The following DYRK3 variants were observed in gnomAD, a reference collection of about 807,000 sequenced individuals.
DYRK3 encodes dual specificity tyrosine phosphorylation regulated kinase 3.
In DYRK3, 30 loss-of-function variants were observed where a neutral mutation model predicts 40.8. The ratio of observed to expected loss-of-function variants is 0.74; its 90% CI spans 0.55 to 1.00. The LOEUF is 1.00. Among genes scored for constraint, DYRK3 ranks in the 50% least tolerant of loss-of-function variants. The probability of loss-of-function intolerance (pLI) is 0.00; values close to 1 mark genes in which losing one functional copy is unlikely to be tolerated. For synonymous variants in DYRK3, 272 were observed against 260.7 expected (o/e 1.04, Z -0.42); for missense variants, 699 against 731.5 (o/e 0.96, Z 0.51).
rs1164076642 is a variant in DYRK3, at chr1:206,637,656, G to A, written c.84G>A (p.Gly28=). 1 of 1,607,914 alleles carries A rather than the reference G, an allele frequency of 6.2e-7. No homozygotes were observed. Among genetic ancestry groups the A allele is most frequent in the Non-Finnish European group, 8.5e-7 (1 of 1,174,970 alleles). ...AGLPPQQRRL[G]DGVYDTFMMI... ...CTGTAATCCTTTTAACTAGGTTGGG[G>A]GATGGTGTCTATGACACCTTCATGA... is the stretch of plus-strand genomic sequence containing the variant. The change falls in exon 2 of 3, where the codon GGG becomes GGA. Residue 28 remains glycine (G), a synonymous_variant. Transcript: ENST00000367109.
chr1:206,638,918 C>T (rs1368487584), intron 2 of DYRK3, among the ~76,000 whole-genome samples: 4 of 127,226 alleles, frequency 3.1e-5, no homozygotes, highest in African/African-American at 1.2e-4. Flanking sequence ...CTTACTCTGT[C>T]TTCCAGGCTG....
rs144222684 is a variant in DYRK3, at chr1:206,649,682, C to T, written c.*717C>T. Reference sequence around the variant, plus strand: ...AAACTGAGTCATATGCATCCCTCCTCCTTTCCTCTCCCATGCCCAAGGAAG... The same window carrying T: ...AAACTGAGTCATATGCATCCCTCCTTCTTTCCTCTCCCATGCCCAAGGAAG... On this transcript the variant is annotated 3_prime_UTR_variant, in exon 3 of 3. Transcript: ENST00000367109. 2.3e-3 allele frequency among the ~76,000 whole-genome samples: 356 copies of T among 152,336 alleles called. No individual in the cohort carries two copies. The highest frequency in any genetic ancestry group is 3.7e-3 in the Non-Finnish European group (251 of 68,034).
rs200221178 is a variant in DYRK3, at chr1:206,635,567, G to C, written c.-137G>C. On this transcript the variant is annotated 5_prime_UTR_variant, in exon 1 of 3. Coordinates refer to ENST00000367109, the MANE Select transcript of DYRK3 (RefSeq NM_003582.4). ...CAGCCGGGGCCAGTCGGGAGCGAAA[G>C]TGCGCTGAGCTGCAGTGTCTGGTCG... The C allele has an allele frequency of 2.7e-6, 3 of 1,127,122 alleles. No individual in the cohort carries two copies. Among genetic ancestry groups the C allele is most frequent in the Non-Finnish European group, 3.4e-6 (3 of 892,888 alleles). 69.8% of individuals were successfully genotyped at this position (1,127,122 alleles called of 1,614,324 possible).
At position 206,652,560 on chromosome 1, in the gene DYRK3, G is replaced by A. The variant is rs185340527; in HGVS notation, c.*3595G>A. Among the ~76,000 whole-genome samples, 12 of 152,306 alleles carry A rather than the reference G, an allele frequency of 7.9e-5. No individual in the cohort carries two copies. The East Asian group carries it at 2.3e-3, about 29-fold the overall frequency. ...ATGTTTCTGCCTCAATTTGGCAACC[G>A]AGAGAGTGATGCAGAGCAGAGTCAT... is the stretch of plus-strand genomic sequence containing the variant. On this transcript the variant is annotated 3_prime_UTR_variant, in exon 3 of 3. Coordinates refer to ENST00000367109, the MANE Select transcript of DYRK3 (RefSeq NM_003582.4).
Position 206,635,728 on chromosome 1 carries a change from G to C in DYRK3, c.25G>C (p.Gly9Arg), listed in dbSNP as rs201102562. 84 of 1,247,260 alleles carry C rather than the reference G, an allele frequency of 6.7e-5. No individual in the cohort carries two copies. Among genetic ancestry groups the C allele is most frequent in the Non-Finnish European group, 8.5e-5 (84 of 989,456 alleles). 77.3% of individuals were successfully genotyped at this position (1,247,260 alleles called of 1,614,324 possible). A position where few individuals can be genotyped will look rare whatever the true frequency, so the allele number is the denominator to read the frequency against. The change falls in exon 1 of 3, where the codon GGG becomes CGG. Residue 9 changes from glycine (G) to arginine (R), a missense_variant. By Grantham distance (125) the Gly-to-Arg change is moderately radical. Transcript: ENST00000367109. MGGTARGPGRKDAGPPGAG... is the reference protein window; with the variant it reads MGGTARGPRRKDAGPPGAG... ...GATGGGAGGCACAGCTCGTGGGCCT[G>C]GGCGGAAGGATGCGGGGCCGCCTGG...
At chr1:206,636,167 C>A in intron 1 of DYRK3, 4 of 873,208 alleles carry the variant, frequency 4.6e-6, no homozygotes, top group Non-Finnish European at 6.9e-6. Context: ...AGCGGATAAC[C>A]AACGGCTGAA....
In DYRK3 at chr1:206,653,693, A is replaced by G. The variant is rs1553421575; in HGVS notation, c.*4728A>G. 3.3e-5 allele frequency among the ~76,000 whole-genome samples: 5 copies of G among 152,204 alleles called. No homozygotes were observed. The highest frequency in any genetic ancestry group is 1.5e-5 in the Non-Finnish European group (1 of 68,040). ...CAGTGTTAGATACAGTTACCTTGAT[A>G]ATAATGAAAAAAAAATGAATACCAC... is the stretch of plus-strand genomic sequence containing the variant. On this transcript the variant is annotated 3_prime_UTR_variant, in exon 3 of 3. Transcript: ENST00000367109.
At chr1:206,638,279 T>TG (rs67218104) in intron 2 of DYRK3, among the ~76,000 whole-genome samples, 43,125 of 134,364 alleles carry the variant, frequency 0.32, 7,561 homozygotes, top group South Asian at 0.42. Context: ...GCTTTTTTTT[T>TG]TTTTTTTTTT....
In DYRK3 at chr1:206,652,134, A is replaced by T. The variant is rs191308300; in HGVS notation, c.*3169A>T. On this transcript the variant is annotated 3_prime_UTR_variant, in exon 3 of 3. Transcript: ENST00000367109. Reference sequence around the variant, plus strand: ...CAGCAAGGCTATATCTGATTGACACAGATCTGAAGTCTCTAACACCATATT... The same window carrying T: ...CAGCAAGGCTATATCTGATTGACACTGATCTGAAGTCTCTAACACCATATT... Among the ~76,000 whole-genome samples, 4 of 152,376 alleles carry T rather than the reference A, an allele frequency of 2.6e-5. No homozygotes were observed. Among genetic ancestry groups the T allele is most frequent in the African/African-American group, 9.6e-5 (4 of 41,596 alleles).
chr1:206,648,724 C>A lies in DYRK3; in HGVS notation c.1526C>A (p.Ala509Asp). 6.2e-7 allele frequency: 1 copy of A among 1,613,990 alleles called. No individual in the cohort carries two copies. The highest frequency in any genetic ancestry group is 8.5e-7 in the Non-Finnish European group (1 of 1,179,926). ...LKRCLHWDPS[A>D]RLTPAQALRH... ...AGGTGTCTTCACTGGGACCCCTCTG[C>A]CCGCTTGACCCCAGCTCAAGCATTA... Residue 509 changes from alanine to aspartate, a missense_variant, in exon 3 of 3, where the codon GCC becomes GAC. Physicochemically the swap from Ala to Asp is moderately radical, Grantham distance 126. Coordinates refer to ENST00000367109, the MANE Select transcript of DYRK3 (RefSeq NM_003582.4).
In DYRK3 at chr1:206,636,296, T is replaced by TACACCTAAATGGAGAGAAG. The variant is rs548846027; in HGVS notation, c.77+518_77+536dup. On this transcript the variant is annotated intron_variant, in intron 1 of 2. Coordinates refer to ENST00000367109, the MANE Select transcript of DYRK3 (RefSeq NM_003582.4). Reference sequence around the variant, plus strand: ...AGATTCCCCACCTTGCGTTGTATTTTACACCTAAATGGAGAGAAGAGACCC... The same window carrying TACACCTAAATGGAGAGAAG: ...AGATTCCCCACCTTGCGTTGTATTTTACACCTAAATGGAGAGAAGACACCTAAATGGAGAGAAGAGACCC... 6.8e-3 allele frequency: 1,479 copies of TACACCTAAATGGAGAGAAG among 217,972 alleles called. 22 individuals are homozygous for TACACCTAAATGGAGAGAAG. Among genetic ancestry groups the TACACCTAAATGGAGAGAAG allele is most frequent in the African/African-American group, 0.032 (1,406 of 43,384 alleles). The allele number at this position is 217,972 out of a possible 1,614,324, so 13.5% of individuals were successfully genotyped here. A position where few individuals can be genotyped will look rare whatever the true frequency, so the allele number is the denominator to read the frequency against.
In DYRK3 at chr1:206,650,825, A is replaced by G. The variant is rs1300446377; in HGVS notation, c.*1860A>G. Among the ~76,000 whole-genome samples, 1 of 152,238 alleles carries G rather than the reference A, an allele frequency of 6.6e-6. No individual in the cohort carries two copies. The highest frequency in any genetic ancestry group is 2.4e-5 in the African/African-American group (1 of 41,462). ...GCAAATCTCTCTCATTTAAATGTCC[A>G]CAGTGGCTTTAGTCTCCCAAGTACA... is the stretch of plus-strand genomic sequence containing the variant. On this transcript the variant is annotated 3_prime_UTR_variant, in exon 3 of 3. Coordinates refer to ENST00000367109, the MANE Select transcript of DYRK3 (RefSeq NM_003582.4).
chr1:206,641,949 G>A (rs1477165655), intron 2 of DYRK3, among the ~76,000 whole-genome samples: 5 of 150,698 alleles, frequency 3.3e-5, no homozygotes, highest in African/African-American at 7.4e-5. Context: ...AAACTAAAGA[G>A]CTTCTGTACA....
Position 206,651,172 on chromosome 1 carries a change from A to G in DYRK3, c.*2207A>G, listed in dbSNP as rs1671622499. 6.6e-6 allele frequency among the ~76,000 whole-genome samples: 1 copy of G among 152,216 alleles called. No homozygotes were observed. Among genetic ancestry groups the G allele is most frequent in the African/African-American group, 2.4e-5 (1 of 41,466 alleles). ...TCAGATGTCACACTAAATGCTGCTC[A>G]TAACCCATCCTCCTCTTCTTTATTC... On this transcript the variant is annotated 3_prime_UTR_variant, in exon 3 of 3. Coordinates refer to ENST00000367109, the MANE Select transcript of DYRK3 (RefSeq NM_003582.4).
At chr1:206,645,039 C>G (rs1215088857) in intron 2 of DYRK3, among the ~76,000 whole-genome samples, 2 of 152,090 alleles carry the variant, frequency 1.3e-5, no homozygotes, top group Non-Finnish European at 2.9e-5. Flanking sequence ...TGTAAGTGTT[C>G]TATAAATATT....
At position 206,647,768 on chromosome 1, in the gene DYRK3, T is replaced by C; in HGVS notation, c.570T>C (p.Tyr190=). The change falls in exon 3 of 3, where the codon TAT becomes TAC. Residue 190 remains tyrosine (Y), a synonymous_variant. Transcript: ENST00000367109. ...GVIGGPNNGG[Y]DDADGAYIHV... ...TTGGTGGTCCCAATAATGGAGGGTA[T>C]GATGATGCAGATGGGGCCTATATTC... 1 of 1,614,152 alleles carries C rather than the reference T, an allele frequency of 6.2e-7. No homozygotes were observed. The highest frequency in any genetic ancestry group is 8.5e-7 in the Non-Finnish European group (1 of 1,180,022).
rs577613144 is a variant in DYRK3, at chr1:206,654,552, C to T, written c.*5587C>T. ...TAACATACTCCATTTTCACCTTCAA[C>T]CTATCCTTCCTGAAGCCCAAACTTT... is the stretch of plus-strand genomic sequence containing the variant. On this transcript the variant is annotated 3_prime_UTR_variant, in exon 3 of 3. Transcript: ENST00000367109. 1.3e-5 allele frequency among the ~76,000 whole-genome samples: 2 copies of T among 152,328 alleles called. No homozygotes were observed. Among genetic ancestry groups the T allele is most frequent in the South Asian group, 4.1e-4 (2 of 4,828 alleles).
Position 206,652,420 on chromosome 1 carries a change from T to A in DYRK3, c.*3455T>A, listed in dbSNP as rs1671655449. ...GCCTGTGGCTGAGGTTGGTGCGTGC[T>A]CTATTTCTGTGTATCGAATGGACTA... is the stretch of plus-strand genomic sequence containing the variant. On this transcript the variant is annotated 3_prime_UTR_variant, in exon 3 of 3. Coordinates refer to ENST00000367109, the MANE Select transcript of DYRK3 (RefSeq NM_003582.4). 6.6e-6 allele frequency among the ~76,000 whole-genome samples: 1 copy of A among 152,168 alleles called. No homozygotes were observed. Among genetic ancestry groups the A allele is most frequent in the African/African-American group, 2.4e-5 (1 of 41,426 alleles).
Position 206,652,492 on chromosome 1 carries a change from T to G in DYRK3, c.*3527T>G, listed in dbSNP as rs1480536907. Among the ~76,000 whole-genome samples, 1 of 152,164 alleles carries G rather than the reference T, an allele frequency of 6.6e-6. No individual in the cohort carries two copies. The highest frequency in any genetic ancestry group is 1.5e-5 in the Non-Finnish European group (1 of 68,024). On this transcript the variant is annotated 3_prime_UTR_variant, in exon 3 of 3. Coordinates refer to ENST00000367109, the MANE Select transcript of DYRK3 (RefSeq NM_003582.4). The stretch of plus-strand genomic sequence containing the variant: ...AAGGGAAAGTGTATAGACAACTCAT[T>G]ACACTGTAGACAGATTTTAGAAAGC...
Sources: gnomAD v4.1 joint callset for allele counts (sites outside exome capture counted in the v4.1 genomes callset) on GRCh38, gnomAD v4.1.1 for gene constraint, MANE v1.5 for transcripts, NCBI Gene and HGNC (gene_info 2026-07-23, HGNC 2026-07-21) for gene names.